MARCHF10: variants seen among roughly 807,000 people sequenced by gnomAD.
MARCHF10 encodes the protein membrane associated ring-CH-type finger 10, also known as probable E3 ubiquitin-protein ligase MARCHF10.
MARCHF10 carries 64 observed loss-of-function variants against 76.2 expected under a neutral mutation model. The observed-to-expected ratio is 0.84, with a 90% confidence interval of 0.69 to 1.03. MARCHF10 has a LOEUF of 1.03. Among genes scored for constraint, MARCHF10 ranks in the 50% least tolerant of loss-of-function variants. The pLI, the probability that MARCHF10 is intolerant of heterozygous loss-of-function variation, is 0.00. For missense variants in MARCHF10, 875 were observed against 958.0 expected (o/e 0.91, Z 1.14); for synonymous variants, 340 against 357.5 (o/e 0.95, Z 0.55).
intron 3 of MARCHF10, among the ~76,000 whole-genome samples, chr17:62,761,652 C>A (rs2092206064): frequency 6.6e-6 from 1 of 152,134 alleles, no homozygotes; most frequent in African/African-American, 2.4e-5. Context: ...GAACTCCTGA[C>A]CTTAGGTGAT....
intron 8 of MARCHF10, among the ~76,000 whole-genome samples, chr17:62,720,388 T>C (rs2038739862): frequency 6.6e-6 from 1 of 152,190 alleles, no homozygotes; most frequent in Admixed American, 6.5e-5. Context: ...CTCTGGACTG[T>C]GAACTTCACA....
chr17:62,764,386 G>A (rs910654522), intron 3 of MARCHF10, among the ~76,000 whole-genome samples: 1 of 152,200 alleles, frequency 6.6e-6, no homozygotes, highest in Non-Finnish European at 1.5e-5. Flanking sequence ...GTCACGTGAT[G>A]GAGGCTGAGC....
intron 6 of MARCHF10, among the ~76,000 whole-genome samples, chr17:62,726,810 G>A (rs953890535): frequency 6.6e-6 from 1 of 151,946 alleles, no homozygotes; most frequent in Non-Finnish European, 1.5e-5. Context: ...TGTATTTTTA[G>A]TAGAGATAGG....
intron 8 of MARCHF10, among the ~76,000 whole-genome samples, chr17:62,720,868 T>A (rs961988451): frequency 6.2e-5 from 9 of 144,034 alleles, no homozygotes; most frequent in African/African-American, 2.4e-4. Context: ...TGATTTTTTT[T>A]TTTTTTTTTT....
intron 3 of MARCHF10, among the ~76,000 whole-genome samples, chr17:62,774,454 C>T (rs2092509075): frequency 6.6e-6 from 1 of 152,124 alleles, no homozygotes; most frequent in East Asian, 1.9e-4. Flanking sequence ...TGAAACAGCA[C>T]AAGCCTCGGT....
At chr17:62,705,428 T>C in intron 10 of MARCHF10, 111 bp downstream of exon 10, 1 of 1,597,692 alleles carries the variant, frequency 6.3e-7, no homozygotes, top group South Asian at 1.1e-5. Context: ...TATTTTTGCC[T>C]CTGGGTGGTG....
intron 5 of MARCHF10, among the ~76,000 whole-genome samples, chr17:62,743,667 AT>A: frequency 6.6e-6 from 1 of 152,178 alleles, no homozygotes; most frequent in Non-Finnish European, 1.5e-5. Context: ...CAATAAAAAA[AT>A]AAAGGCAACT....
intron 10 of MARCHF10, chr17:62,705,311 C>G: frequency 6.9e-7 from 1 of 1,459,576 alleles, no homozygotes; most frequent in Non-Finnish European, 9.0e-7. Flanking sequence ...TGGCGCCTTT[C>G]CTTGCGTTCA....
At position 62,712,119 on chromosome 17, in the gene MARCHF10, A is replaced by G. The variant is rs751831361; in HGVS notation, c.2215-775T>C. On this transcript the variant is annotated intron_variant, in intron 8 of 10. Coordinates refer to ENST00000311269, the MANE Select transcript of MARCHF10 (RefSeq NM_152598.4). This position sits in a 1 kb window ranked among gnomAD's most constrained non-coding sequence, Gnocchi z 4.2. The stretch of plus-strand genomic sequence containing the variant: ...CACAGACCTTCCATAAATCAGTGGT[A>G]TTAGTAACAACTACTCCTATCCCTC... Among the ~76,000 whole-genome samples, 12 of 152,284 alleles carry G rather than the reference A, an allele frequency of 7.9e-5. No individual in the cohort carries two copies. The highest frequency in any genetic ancestry group is 6.2e-4 in the South Asian group (3 of 4,822).
At position 62,712,595 on chromosome 17, in the gene MARCHF10, A is replaced by G. The variant is rs1001081397; in HGVS notation, c.2215-1251T>C. Among the ~76,000 whole-genome samples, 2 of 152,154 alleles carry G rather than the reference A, an allele frequency of 1.3e-5. No homozygotes were observed. Among genetic ancestry groups the G allele is most frequent in the East Asian group, 3.9e-4 (2 of 5,162 alleles). On this transcript the variant is annotated intron_variant, in intron 8 of 10. Coordinates refer to ENST00000311269, the MANE Select transcript of MARCHF10 (RefSeq NM_152598.4). This position sits in a 1 kb window ranked among gnomAD's most constrained non-coding sequence, Gnocchi z 4.2. ...TGAGATCACTGCTGCAGGCCTCTCC[A>G]CCATTCTACAGATCCATCTTCGAAG...
intron 9 of MARCHF10, among the ~76,000 whole-genome samples, chr17:62,708,669 C>G (rs1223276088): frequency 6.6e-6 from 1 of 152,168 alleles, no homozygotes; most frequent in African/African-American, 2.4e-5. Context: ...TTCCCGTGCC[C>G]AAGTTGTTAA....
At position 62,722,617 on chromosome 17, in the gene MARCHF10, T is replaced by G. The variant is rs1011662393; in HGVS notation, c.2105-20A>C. 27 of 1,586,956 alleles carry G rather than the reference T, an allele frequency of 1.7e-5. No homozygotes were observed. The highest frequency in any genetic ancestry group is 2.3e-5 in the Non-Finnish European group (27 of 1,160,012). Reference sequence around the variant, plus strand: ...CTGCTCCTTAAATTGGATAAAGAATTATATGTACATATAACCATGGGTCTG... The same window carrying G: ...CTGCTCCTTAAATTGGATAAAGAATGATATGTACATATAACCATGGGTCTG... On this transcript the variant is annotated intron_variant, in intron 7 of 10. Transcript: ENST00000311269.
Position 62,744,499 on chromosome 17 carries a change from T to C in MARCHF10, c.412A>G (p.Lys138Glu). 6.2e-7 allele frequency: 1 copy of C among 1,614,162 alleles called. No individual in the cohort carries two copies. The highest frequency in any genetic ancestry group is 8.5e-7 in the Non-Finnish European group (1 of 1,180,028). The change falls in exon 5 of 11, where the codon AAG becomes GAG. Residue 138 changes from lysine to glutamate, a missense_variant. Coordinates refer to ENST00000311269, the MANE Select transcript of MARCHF10 (RefSeq NM_152598.4). ...ADQAPMVLLR[K>E]RKPNLRRFTV... ...AATCTCCTCAGGTTTGGCTTCCTCT[T>C]TCTTAATAAAACCATTGGTGCTTGG...
intron 4 of MARCHF10, among the ~76,000 whole-genome samples, chr17:62,745,081 T>C (rs1351664931): frequency 6.6e-6 from 1 of 151,454 alleles, no homozygotes; most frequent in African/African-American, 2.4e-5. Flanking sequence ...GATCTTTCCT[T>C]TTGCTAAGAA....
Position 62,729,440 on chromosome 17 carries a change from CAA to C in MARCHF10, c.1938-4338_1938-4337del, listed in dbSNP as rs910502195. Reference sequence around the variant, plus strand: ...ATAAAAAATTTTGAAAAGAGGGTAACAAAGAGAGATTATATATATATTTATAT... The same window carrying C: ...ATAAAAAATTTTGAAAAGAGGGTAACAGAGAGATTATATATATATTTATAT... On this transcript the variant is annotated intron_variant, in intron 6 of 10. Transcript: ENST00000311269. Among the ~76,000 whole-genome samples, 178 of 146,702 alleles carry C rather than the reference CAA, an allele frequency of 1.2e-3. 1 individual carries two copies. Among genetic ancestry groups the C allele is most frequent in the African/African-American group, 4.0e-3 (161 of 40,028 alleles).
chr17:62,759,404 C>T (rs1449083049), intron 4 of MARCHF10, among the ~76,000 whole-genome samples: 1 of 152,228 alleles, frequency 6.6e-6, no homozygotes, highest in African/African-American at 2.4e-5. Flanking sequence ...CATAGGATCA[C>T]TGGCCTTTCG....
chr17:62,804,428 C>G (rs1019736178), intron 1 of MARCHF10, among the ~76,000 whole-genome samples: 1 of 152,046 alleles, frequency 6.6e-6, no homozygotes, highest in Non-Finnish European at 1.5e-5. Flanking sequence ...AGAGAACAAG[C>G]CGCTGAAGAG....
rs1272891752 is a variant in MARCHF10, at chr17:62,759,943, A to C, written c.274T>G (p.Cys92Gly). 6.2e-7 allele frequency: 1 copy of C among 1,614,038 alleles called. No individual in the cohort carries two copies. The highest frequency in any genetic ancestry group is 8.5e-7 in the Non-Finnish European group (1 of 1,179,996). ...TCAATTGCTGGAAGTTTGGAGTCAC[A>C]CTTAAATGCAGATATCTTGATAGAT... ...RSSIKISAFK[C>G]DSKLPAIDQT... The change falls in exon 4 of 11, where the codon TGT (cysteine) becomes GGT (glycine). Residue 92 changes from cysteine (C) to glycine (G), a missense_variant. Coordinates refer to ENST00000311269, the MANE Select transcript of MARCHF10 (RefSeq NM_152598.4).
chr17:62,719,001 C>G (rs1042168195), intron 8 of MARCHF10, among the ~76,000 whole-genome samples: 1 of 152,174 alleles, frequency 6.6e-6, no homozygotes, highest in African/African-American at 2.4e-5. Context: ...TTGGTCTACA[C>G]CCTTAAAATT....
Sources: allele counts gnomAD v4.1 joint callset (sites outside exome capture counted in the v4.1 genomes callset), GRCh38; gene constraint gnomAD v4.1.1; non-coding constraint Gnocchi (gnomAD v3.1); transcripts MANE v1.5; gene names NCBI Gene and HGNC (gene_info 2026-07-23, HGNC 2026-07-21).